C2orf49: variants seen among roughly 807,000 people sequenced by gnomAD.
C2orf49 encodes tRNA splicing ligase complex subunit 2, also known as tRNA-splicing ligase complex subunit ASW.
C2orf49 carries 11 observed loss-of-function variants against 20.6 expected under a neutral mutation model. That is an observed-to-expected ratio of 0.53 (90% CI 0.34 to 0.88). The LOEUF (loss-of-function observed/expected upper bound fraction) is 0.88. C2orf49 is among the 40% of genes least tolerant of loss of function. The pLI is 0.02. For synonymous variants in C2orf49, 134 were observed against 108.5 expected (o/e 1.24, Z -1.46); for missense variants, 289 against 274.2 (o/e 1.05, Z -0.38).
chr2:105,365,215 TCTC>T, the C2orf49 span, among the ~76,000 whole-genome samples: 1 of 152,150 alleles, frequency 6.6e-6, no homozygotes, highest in Non-Finnish European at 1.5e-5. Context: ...ACTCTGCTCT[TCTC>T]CTCCATAGCA....
chr2:105,383,840 A>G, the C2orf49 span, among the ~76,000 whole-genome samples: 1 of 152,254 alleles, frequency 6.6e-6, no homozygotes, highest in South Asian at 2.1e-4. Flanking sequence ...CCCAAATGCC[A>G]AGGTCTCGCT....
Position 105,343,133 on chromosome 2 carries a change from A to G in C2orf49, c.552A>G (p.Ser184=). 1 of 1,614,222 alleles carries G rather than the reference A, an allele frequency of 6.2e-7. No homozygotes were observed. Among genetic ancestry groups the G allele is most frequent in the Non-Finnish European group, 8.5e-7 (1 of 1,180,042 alleles). The stretch of plus-strand genomic sequence containing the variant: ...ACTTAACGCATAGGAAAAGTCCTTC[A>G]GGCCCTGTGAAGTCGCCACCATTGT... ...NHDLTHRKSP[S]GPVKSPPLSP... is the part of the protein sequence containing the mutation. Residue 184 remains serine, a synonymous_variant, in exon 3 of 4, where the codon TCA becomes TCG. Transcript: ENST00000258457.
the C2orf49 span, among the ~76,000 whole-genome samples, chr2:105,371,250 A>G: frequency 7.2e-5 from 11 of 152,174 alleles, no homozygotes; most frequent in Non-Finnish European, 1.2e-4. Context: ...AGATGTGACT[A>G]ACATCTAAGT....
intron 2 of C2orf49, among the ~76,000 whole-genome samples, chr2:105,341,651 A>G (rs1165107672): frequency 6.6e-6 from 1 of 152,224 alleles, no homozygotes; most frequent in East Asian, 1.9e-4. Flanking sequence ...ATGTTCAGTG[A>G]TGACCCAAGA....
the C2orf49 span, among the ~76,000 whole-genome samples, chr2:105,385,159 C>T: frequency 6.6e-6 from 1 of 152,186 alleles, no homozygotes; most frequent in African/African-American, 2.4e-5. Context: ...CACAGGGCTG[C>T]AGCATTGGTT....
At chr2:105,382,215 ATT>A in the C2orf49 span, among the ~76,000 whole-genome samples, 68 of 152,348 alleles carry the variant, frequency 4.5e-4, 1 homozygote, top group East Asian at 0.013. Context: ...TTGAGCCTCA[ATT>A]CTGCAATGTA....
chr2:105,363,223 A>G, the C2orf49 span: 1 of 1,551,684 alleles, frequency 6.4e-7, no homozygotes, highest in Non-Finnish European at 8.8e-7. Context: ...TCACAGGCTA[A>G]AATGCTAGGC....
Position 105,345,637 on chromosome 2 carries a change from T to G in C2orf49, c.*266T>G, listed in dbSNP as rs548128852. 2.4e-6 allele frequency: 1 copy of G among 423,860 alleles called. No homozygotes were observed. The highest frequency in any genetic ancestry group is 3.1e-5 in the South Asian group (1 of 31,958). 26.3% of individuals were successfully genotyped at this position (423,860 alleles called of 1,614,324 possible). A position where few individuals can be genotyped will look rare whatever the true frequency, so the allele number is the denominator to read the frequency against. The stretch of plus-strand genomic sequence containing the variant: ...TATATGTCATTTATATTGACCCTAC[T>G]GAAATTATTAGCTACAAATGTGCTA... On this transcript the variant is annotated 3_prime_UTR_variant, in exon 4 of 4. Coordinates refer to ENST00000258457, the MANE Select transcript of C2orf49 (RefSeq NM_024093.3).
At chr2:105,356,217 C>T in the C2orf49 span, among the ~76,000 whole-genome samples, 1 of 152,056 alleles carries the variant, frequency 6.6e-6, no homozygotes, top group Non-Finnish European at 1.5e-5. Context: ...GTGGTGAAAC[C>T]CTGTCTCTAC....
intron 3 of C2orf49, among the ~76,000 whole-genome samples, chr2:105,344,373 AT>A (rs377712575): frequency 1.7e-4 from 25 of 149,814 alleles, no homozygotes; most frequent in East Asian, 3.9e-4. Context: ...GCCTCAGAGA[AT>A]TTTTTTTTTC....
At chr2:105,358,673 G>A in the C2orf49 span, 1 of 152,218 alleles carries the variant, frequency 6.6e-6, no homozygotes, top group Non-Finnish European at 1.5e-5. Flanking sequence ...AATTTTCAGA[G>A]ACTTTGTGTT....
rs1679792194 is a variant in C2orf49, at chr2:105,345,611, GTA to G, written c.*244_*245del. The G allele has an allele frequency of 3.8e-6, 2 of 524,640 alleles. No individual in the cohort carries two copies. The highest frequency in any genetic ancestry group is 6.7e-5 in the East Asian group (2 of 29,818). The allele number at this position is 524,640 out of a possible 1,614,324, so 32.5% of individuals were successfully genotyped here. ...AATATCTTTTTAAACCAATGGCTTAGTATATGTCATTTATATTGACCCTACTG... is the reference window on the plus strand; with the variant it reads ...AATATCTTTTTAAACCAATGGCTTAGTATGTCATTTATATTGACCCTACTG... On this transcript the variant is annotated 3_prime_UTR_variant, in exon 4 of 4. Transcript: ENST00000258457.
chr2:105,366,629 C>T, the C2orf49 span, among the ~76,000 whole-genome samples: 7 of 152,212 alleles, frequency 4.6e-5, no homozygotes, highest in African/African-American at 1.4e-4. Context: ...GGGTGCAGGT[C>T]GGGGGGCAAC....
chr2:105,349,129 GAAA>G lies in C2orf49; in HGVS notation c.*3763_*3765del, dbSNP rs1247307511. ...GAGAGATTTTATGTTAGAGTGATCT[GAAA>G]AAAAGTTAATTTCTAAACTGCTATC... On this transcript the variant is annotated 3_prime_UTR_variant, in exon 4 of 4. Transcript: ENST00000258457. The G allele has an allele frequency of 6.6e-6, 1 of 152,102 alleles. No individual in the cohort carries two copies. Among genetic ancestry groups the G allele is most frequent in the African/African-American group, 2.4e-5 (1 of 41,408 alleles). The allele number at this position is 152,102 out of a possible 1,614,324, so 9.4% of individuals were successfully genotyped here.
chr2:105,369,869 AG>A, the C2orf49 span, among the ~76,000 whole-genome samples: 16 of 152,318 alleles, frequency 1.1e-4, 1 homozygote, highest in African/African-American at 3.8e-4. Flanking sequence ...CTCTACGTGC[AG>A]GGAATGCACA....
At chr2:105,384,818 C>T in the C2orf49 span, among the ~76,000 whole-genome samples, 2 of 152,204 alleles carry the variant, frequency 1.3e-5, no homozygotes. Flanking sequence ...CTGGTTCTCC[C>T]CATTTTATAG....
chr2:105,338,862 C>T (rs777974619), intron 1 of C2orf49, among the ~76,000 whole-genome samples: 1 of 152,158 alleles, frequency 6.6e-6, no homozygotes, highest in Non-Finnish European at 1.5e-5. Flanking sequence ...CTTCTTAAAT[C>T]CAAACTCTGT....
the C2orf49 span, chr2:105,374,154 AC>A: frequency 2.3e-5 from 6 of 255,692 alleles, no homozygotes; most frequent in Admixed American, 2.5e-4. Context: ...CACTGTGGTC[AC>A]CGGCATGGCA....
the C2orf49 span, among the ~76,000 whole-genome samples, chr2:105,379,733 C>A: frequency 6.6e-6 from 1 of 152,174 alleles, no homozygotes. Context: ...ATCTCCATGC[C>A]TTTGACCATA....
Sources: gnomAD v4.1 joint callset for allele counts (sites outside exome capture counted in the v4.1 genomes callset) on GRCh38, gnomAD v4.1.1 for gene constraint, MANE v1.5 for transcripts, NCBI Gene and HGNC (gene_info 2026-07-23, HGNC 2026-07-21) for gene names.